Variants in CSMD1 observed in about 807,000 individuals in gnomAD.
The protein encoded by CSMD1 is CUB and Sushi multiple domains 1.
Under a neutral mutation model 417.5 loss-of-function variants are expected in CSMD1, and 213 were observed. That is an observed-to-expected ratio of 0.51 (90% CI 0.46 to 0.57). CSMD1 has a LOEUF of 0.57. Among genes scored for constraint, CSMD1 ranks in the 20% least tolerant of loss-of-function variants. CSMD1 has a pLI of 0.00. For missense variants in CSMD1, 6,923 were observed against 4,529.7 expected (o/e 1.53, Z -15.17); for synonymous variants, 2,862 against 1,736.8 (o/e 1.65, Z -16.11).
chr8:4,116,194 A>C (rs1802136311), intron 3 of CSMD1, among the ~76,000 whole-genome samples: 1 of 151,882 alleles, frequency 6.6e-6, no homozygotes, highest in Non-Finnish European at 1.5e-5. Context: ...GGGTTTCCCC[A>C]TGTTGGCCAG....
chr8:4,738,905 G>GTGTGTGTGTGTGTGTA (rs765998858), intron 1 of CSMD1, among the ~76,000 whole-genome samples: 4,033 of 150,794 alleles, frequency 0.027, 175 homozygotes, highest in African/African-American at 0.09. Flanking sequence ...CTGTGTGTTT[G>GTGTGTGTGTGTGTGTA]TGTGTGTGTG....
At chr8:4,851,958 C>A (rs1801505181) in intron 1 of CSMD1, among the ~76,000 whole-genome samples, 1 of 152,170 alleles carries the variant, frequency 6.6e-6, no homozygotes, top group Non-Finnish European at 1.5e-5. Flanking sequence ...GAGTAAACCA[C>A]TAGTCTAAGT....
intron 12 of CSMD1, among the ~76,000 whole-genome samples, chr8:3,442,066 T>C (rs1014745755): frequency 6.6e-6 from 1 of 150,540 alleles, no homozygotes; most frequent in Non-Finnish European, 1.5e-5. Context: ...CAAAAAATTT[T>C]AAAAAGTAAA....
chr8:3,093,229 T>C (rs1563331416), intron 47 of CSMD1, among the ~76,000 whole-genome samples: 1 of 152,186 alleles, frequency 6.6e-6, no homozygotes, highest in Admixed American at 6.5e-5. Context: ...ATAACTGATG[T>C]CTTTCTAAGA....
chr8:3,275,817 G>T (rs1167195432), intron 26 of CSMD1, among the ~76,000 whole-genome samples: 2 of 151,974 alleles, frequency 1.3e-5, no homozygotes, highest in African/African-American at 4.8e-5. Flanking sequence ...GGTTATTCTA[G>T]TTATACATTC....
chr8:3,179,142 T>C (rs1821137847), intron 37 of CSMD1, among the ~76,000 whole-genome samples: 1 of 151,160 alleles, frequency 6.6e-6, no homozygotes, highest in African/African-American at 2.4e-5. Context: ...ATACGGGGTT[T>C]CAACGTGTTA....
chr8:4,602,397 G>C (rs887811672), intron 2 of CSMD1, among the ~76,000 whole-genome samples: 4 of 152,068 alleles, frequency 2.6e-5, no homozygotes, highest in African/African-American at 7.2e-5. Context: ...TTAATTTGCT[G>C]GTCCAAGATA....
At chr8:4,397,193 A>C (rs1025218672) in intron 3 of CSMD1, among the ~76,000 whole-genome samples, 1 of 152,014 alleles carries the variant, frequency 6.6e-6, no homozygotes, top group Non-Finnish European at 1.5e-5. Context: ...TATGTGTTTG[A>C]TCCTATTTTA....
At chr8:4,439,755 T>G (rs1438666304) in intron 2 of CSMD1, among the ~76,000 whole-genome samples, 3 of 152,170 alleles carry the variant, frequency 2.0e-5, no homozygotes, top group Non-Finnish European at 4.4e-5. Flanking sequence ...AGTTTTGTGT[T>G]ACTAATGGAG....
At chr8:3,969,794 ACCT>A (rs1297127561) in intron 5 of CSMD1, among the ~76,000 whole-genome samples, 1 of 152,182 alleles carries the variant, frequency 6.6e-6, no homozygotes, top group Non-Finnish European at 1.5e-5. Context: ...AAGAAATCTA[ACCT>A]CCTACCAAGA....
intron 1 of CSMD1, among the ~76,000 whole-genome samples, chr8:4,944,024 A>G (rs1277162893): frequency 6.6e-6 from 1 of 152,172 alleles, no homozygotes; most frequent in East Asian, 1.9e-4. Context: ...CTTGGGAATC[A>G]AAATAAGCTG....
chr8:4,241,949 C>A (rs1376991519), intron 3 of CSMD1, among the ~76,000 whole-genome samples: 1 of 152,150 alleles, frequency 6.6e-6, no homozygotes, highest in East Asian at 1.9e-4. Context: ...TGACCAGATT[C>A]AGTATAAGTT....
At chr8:4,502,372 G>C (rs185120251) in intron 2 of CSMD1, among the ~76,000 whole-genome samples, 1 of 152,028 alleles carries the variant, frequency 6.6e-6, no homozygotes, top group Non-Finnish European at 1.5e-5. Context: ...GCAGTCTCTG[G>C]CATATAATAA....
At chr8:3,788,905 G>A (rs575809899) in intron 5 of CSMD1, among the ~76,000 whole-genome samples, 1 of 152,192 alleles carries the variant, frequency 6.6e-6, no homozygotes, top group Non-Finnish European at 1.5e-5. Context: ...CTCAGAGGAG[G>A]AAAGGGACTT....
intron 3 of CSMD1, among the ~76,000 whole-genome samples, chr8:4,264,329 G>A (rs747041115): frequency 1.3e-5 from 2 of 152,180 alleles, no homozygotes; most frequent in South Asian, 2.1e-4. Context: ...CAATTTTCAG[G>A]AAAAATACTC....
At position 3,217,994 on chromosome 8, in the gene CSMD1, T is replaced by C. The variant is rs370953545; in HGVS notation, c.4672+1261A>G. ...ATTCTTTGTAATACACCTTGTATTT[T>C]ATTTTGTTCACATGAGAAATAAATT... is the stretch of plus-strand genomic sequence containing the variant. On this transcript the variant is annotated intron_variant, in intron 29 of 69. Coordinates refer to ENST00000635120, the MANE Select transcript of CSMD1 (RefSeq NM_033225.6). Among the ~76,000 whole-genome samples the C allele has an allele frequency of 6.6e-5, 10 of 152,278 alleles. No individual in the cohort carries two copies. In the East Asian group the frequency reaches 1.9e-3, roughly 29 times the overall value.
intron 26 of CSMD1, among the ~76,000 whole-genome samples, chr8:3,243,977 C>T (rs1383664988): frequency 4.6e-5 from 7 of 152,114 alleles, no homozygotes; most frequent in Admixed American, 4.6e-4. Context: ...AGTACGTTTG[C>T]TTAGCATACG....
Position 4,980,032 on chromosome 8 carries a change from A to G in CSMD1, c.85+14300T>C, listed in dbSNP as rs1452428609. Reference sequence around the variant, plus strand: ...AGCCTGGGCGACAGAGTGAGACTCCATCCCAAAAAATAAATAAATAAATAA... The same window carrying G: ...AGCCTGGGCGACAGAGTGAGACTCCGTCCCAAAAAATAAATAAATAAATAA... On this transcript the variant is annotated intron_variant, in intron 1 of 69. Coordinates refer to ENST00000635120, the MANE Select transcript of CSMD1 (RefSeq NM_033225.6). Among the ~76,000 whole-genome samples, 6 of 152,280 alleles carry G rather than the reference A, an allele frequency of 3.9e-5. No homozygotes were observed. In the East Asian group the frequency reaches 1.2e-3, roughly 29 times the overall value.
intron 1 of CSMD1, among the ~76,000 whole-genome samples, chr8:4,979,475 A>T (rs1810754957): frequency 6.6e-6 from 1 of 152,184 alleles, no homozygotes; most frequent in Non-Finnish European, 1.5e-5. Flanking sequence ...CCTTTAGAAC[A>T]CTTGAGTGTG....
Sources: allele counts gnomAD v4.1 joint callset (sites outside exome capture counted in the v4.1 genomes callset), GRCh38; gene constraint gnomAD v4.1.1; transcripts MANE v1.5; gene names NCBI Gene and HGNC (gene_info 2026-07-23, HGNC 2026-07-21).